SHOC1: variants seen among roughly 807,000 people sequenced by gnomAD.
The protein encoded by SHOC1 is shortage in chiasmata 1, also known as protein shortage in chiasmata 1 ortholog.
Under a neutral mutation model 179.2 loss-of-function variants are expected in SHOC1, and 136 were observed. The ratio of observed to expected loss-of-function variants is 0.76; its 90% CI spans 0.66 to 0.87. The LOEUF (loss-of-function observed/expected upper bound fraction) is 0.87, where lower values mean the gene tolerates loss of function less well. SHOC1 is among the 40% of genes least tolerant of loss of function. SHOC1 has a pLI of 0.00. For missense variants in SHOC1, 1,538 were observed against 1,700.8 expected, an observed-to-expected ratio of 0.90 and a Z score of 1.68; for synonymous variants, 489 against 586.6, an observed-to-expected ratio of 0.83 and a Z score of 2.41.
intron 11 of SHOC1, 122 bp from the exon 12 acceptor site, chr9:111,738,644 A>G: frequency 1.1e-6 from 1 of 927,292 alleles, no homozygotes; most frequent in South Asian, 2.9e-5. Context: ...TTAGAAAATA[A>G]GTGAAACTTG....
chr9:111,710,950 A>G lies in SHOC1; in HGVS notation c.2488+2150T>C, dbSNP rs192320467. Among the ~76,000 whole-genome samples, 414 of 152,304 alleles carry G rather than the reference A, an allele frequency of 2.7e-3. 3 individuals carry two copies. The highest frequency in any genetic ancestry group is 9.6e-3 in the African/African-American group (400 of 41,566). ...TATAGAGGGAAGAGAAACGGTAACCAAAGGGTGACATAGGTTGACAGTGGT... is the reference window on the plus strand; with the variant it reads ...TATAGAGGGAAGAGAAACGGTAACCGAAGGGTGACATAGGTTGACAGTGGT... On this transcript the variant is annotated intron_variant, in intron 18 of 27. Coordinates refer to ENST00000682961, the MANE Select transcript of SHOC1 (RefSeq NM_001378211.1).
chr9:111,791,670 TGTTA>T (rs959197881), intron 1 of SHOC1, among the ~76,000 whole-genome samples: 23 of 152,202 alleles, frequency 1.5e-4, no homozygotes, highest in African/African-American at 4.6e-4. Context: ...ATCATATAGC[TGTTA>T]GTTGGTTGGT....
At chr9:111,707,979 G>T in intron 18 of SHOC1, 55 bp from the exon 19 acceptor site, 3 of 1,029,892 alleles carry the variant, frequency 2.9e-6, no homozygotes, top group Non-Finnish European at 4.2e-6. Flanking sequence ...CATATTTTTG[G>T]TATGTCATAT....
intron 27 of SHOC1, among the ~76,000 whole-genome samples, chr9:111,688,874 C>A (rs531146219): frequency 6.6e-6 from 1 of 151,900 alleles, no homozygotes; most frequent in Admixed American, 6.6e-5. Flanking sequence ...TTATTCTGAG[C>A]CCTGATGAAT....
chr9:111,693,810 T>G lies in SHOC1; in HGVS notation c.3454A>C (p.Lys1152Gln). The G allele has an allele frequency of 6.2e-7, 1 of 1,607,242 alleles. No individual in the cohort carries two copies. The highest frequency in any genetic ancestry group is 1.3e-5 in the African/African-American group (1 of 74,784). The change falls in exon 26 of 28, where the codon AAA (lysine) becomes CAA (glutamine). Residue 1152 changes from lysine (K) to glutamine (Q), a missense_variant. By Grantham distance (53) the Lys-to-Gln change is moderately conservative. Transcript: ENST00000682961. ...LQELLPEVPE[K>Q]VLKHFCSITS... Reference sequence around the variant, plus strand: ...CTCAAATAACTAACCTTTAACACTTTTTCTGGGACTTCAGGTAGGAGTTCC... The same window carrying G: ...CTCAAATAACTAACCTTTAACACTTGTTCTGGGACTTCAGGTAGGAGTTCC...
intron 5 of SHOC1, among the ~76,000 whole-genome samples, chr9:111,762,308 G>T (rs10123167): frequency 0.056 from 8,391 of 150,788 alleles, 560 homozygotes; most frequent in African/African-American, 0.16. Flanking sequence ...CACAGCTATG[G>T]TCTCAGCTAC....
At chr9:111,784,251 A>G (rs559641562) in intron 3 of SHOC1, among the ~76,000 whole-genome samples, 1 of 152,288 alleles carries the variant, frequency 6.6e-6, no homozygotes, top group African/African-American at 2.4e-5. Context: ...TCTGACCACA[A>G]ATTGGCTTCT....
intron 18 of SHOC1, among the ~76,000 whole-genome samples, chr9:111,708,500 T>C (rs935037459): frequency 1.8e-4 from 27 of 152,036 alleles, no homozygotes; most frequent in Non-Finnish European, 3.8e-4. Context: ...CTGCACCCCA[T>C]AGAAACTTAA....
chr9:111,740,756 G>A (rs1298522238), intron 11 of SHOC1, among the ~76,000 whole-genome samples: 3 of 152,150 alleles, frequency 2.0e-5, no homozygotes, highest in Non-Finnish European at 2.9e-5. Flanking sequence ...ATTTTTAGTA[G>A]AGAGGGGGTT....
chr9:111,692,269 T>C lies in SHOC1; in HGVS notation c.3708A>G (p.Leu1236=). Residue 1236 remains leucine (L), a synonymous_variant, in exon 27 of 28, where the codon CTA becomes CTG. Transcript: ENST00000682961. ...ILNDNSSIME[L]KEISSFLPPV... ...GTGGTAAAAAACTTGAGATTTCTTT[T>C]AGTTCCATAATGGAAGAGTTGTCAT... is the stretch of plus-strand genomic sequence containing the variant. 6.2e-7 allele frequency: 1 copy of C among 1,613,642 alleles called. No homozygotes were observed. Among genetic ancestry groups the C allele is most frequent in the Non-Finnish European group, 8.5e-7 (1 of 1,179,626 alleles).
chr9:111,757,731 A>T (rs1249182383), intron 7 of SHOC1, among the ~76,000 whole-genome samples: 4 of 152,202 alleles, frequency 2.6e-5, no homozygotes, highest in African/African-American at 9.6e-5. Flanking sequence ...TTTCTAGTTC[A>T]GGTGTCAATT....
At chr9:111,700,437 C>T (rs998027072) in intron 23 of SHOC1, among the ~76,000 whole-genome samples, 1 of 152,168 alleles carries the variant, frequency 6.6e-6, no homozygotes, top group East Asian at 1.9e-4. Context: ...GGAATCCTCC[C>T]AGAATTCCCT....
chr9:111,780,366 C>T (rs892872198), intron 4 of SHOC1, among the ~76,000 whole-genome samples: 7 of 152,166 alleles, frequency 4.6e-5, no homozygotes, highest in South Asian at 2.1e-4. Flanking sequence ...TTTATGCCTA[C>T]GTTTACAATG....
chr9:111,727,860 G>C lies in SHOC1; in HGVS notation c.1607C>G (p.Pro536Arg). The change falls in exon 13 of 28, where the codon CCA becomes CGA. Residue 536 changes from proline (P) to arginine (R), a missense_variant. Transcript: ENST00000682961. ...TTTCTTTTGGATTATTCTGTTTACT[G>C]GTTCTTGGTCATTCTTTGGTTTTTC... ...KEEKPKNDQE[P>R]VNRIIQKKEN... is the part of the protein sequence containing the mutation. The C allele has an allele frequency of 1.2e-6, 2 of 1,612,682 alleles. No individual in the cohort carries two copies. The highest frequency in any genetic ancestry group is 1.7e-6 in the Non-Finnish European group (2 of 1,179,478).
At chr9:111,722,642 G>C in intron 14 of SHOC1, 57 bp from the exon 15 acceptor site, 1 of 1,405,308 alleles carries the variant, frequency 7.1e-7, no homozygotes, top group Non-Finnish European at 9.7e-7. Context: ...TGCTCTTTTT[G>C]ATGAACCAAT....
intron 12 of SHOC1, among the ~76,000 whole-genome samples, chr9:111,736,903 A>T (rs985802045): frequency 2.6e-5 from 4 of 152,200 alleles, no homozygotes; most frequent in Non-Finnish European, 5.9e-5. Context: ...TGGGCAAAAG[A>T]CATGAACAGA....
chr9:111,693,247 A>C (rs1831524455), intron 26 of SHOC1, among the ~76,000 whole-genome samples: 1 of 151,844 alleles, frequency 6.6e-6, no homozygotes, highest in African/African-American at 2.4e-5. Context: ...TGGAGACTGC[A>C]GTGAGCCGAG....
At chr9:111,729,913 A>G (rs1348985147) in intron 12 of SHOC1, among the ~76,000 whole-genome samples, 2 of 151,598 alleles carry the variant, frequency 1.3e-5, no homozygotes, top group African/African-American at 2.4e-5. Context: ...ATTGGAGTCA[A>G]TCCTCTCCAA....
chr9:111,701,654 A>T (rs1831975038), intron 23 of SHOC1, among the ~76,000 whole-genome samples: 1 of 152,150 alleles, frequency 6.6e-6, no homozygotes, highest in Non-Finnish European at 1.5e-5. Flanking sequence ...TTAGACCGGA[A>T]ATATTATTTT....
Sources: gnomAD v4.1 joint callset for allele counts (sites outside exome capture counted in the v4.1 genomes callset) on GRCh38, gnomAD v4.1.1 for gene constraint, MANE v1.5 for transcripts, NCBI Gene and HGNC (gene_info 2026-07-23, HGNC 2026-07-21) for gene names.